PDE4A: variants seen among roughly 807,000 people sequenced by gnomAD.
PDE4A encodes 3',5'-cyclic-AMP phosphodiesterase 4A.
PDE4A carries 21 observed loss-of-function variants against 73.9 expected under a neutral mutation model. The ratio of observed to expected loss-of-function variants is 0.28; its 90% CI spans 0.20 to 0.41. The LOEUF (loss-of-function observed/expected upper bound fraction) is 0.41. Ranked by LOEUF, PDE4A falls within the 10% of genes least tolerant of loss-of-function variation. The probability of loss-of-function intolerance (pLI) is 1.00; values close to 1 mark genes in which losing one functional copy is unlikely to be tolerated. For missense variants in PDE4A, 958 were observed against 1,211.4 expected (o/e 0.79, Z 3.10); for synonymous variants, 463 against 505.4 (o/e 0.92, Z 1.13).
chr19:10,446,473 C>T (rs2043006401), intron 2 of PDE4A, 64 bp downstream of exon 2: 2 of 1,556,468 alleles, frequency 1.3e-6, no homozygotes, highest in Admixed American at 1.8e-5. Flanking sequence ...GCTGCCCTTC[C>T]CAGCAGGGAG....
chr19:10,466,823 C>G (rs2043381397), intron 14 of PDE4A, 64 bp from the exon 15 acceptor site: 4 of 1,556,638 alleles, frequency 2.6e-6, no homozygotes, highest in Non-Finnish European at 3.5e-6. Flanking sequence ...TCATTAGCTC[C>G]CATAATGTGG....
chr19:10,432,453 C>CCCCGGG (rs1378982826), intron 1 of PDE4A: 1 of 1,486,272 alleles, frequency 6.7e-7, no homozygotes, highest in South Asian at 1.3e-5. Flanking sequence ...CGGTGCAGCG[C>CCCCGGG]CCCGGGCCCG....
chr19:10,424,832 G>A lies in PDE4A; in HGVS notation c.320+3748G>A, dbSNP rs2042696891. Among the ~76,000 whole-genome samples the A allele has an allele frequency of 2.0e-5, 3 of 152,266 alleles. No homozygotes were observed. Among genetic ancestry groups the A allele is most frequent in the Admixed American group, 2.0e-4 (3 of 15,284 alleles). On this transcript the variant is annotated intron_variant, in intron 1 of 14. Transcript: ENST00000380702. The surrounding 1 kb of genome is among the most constrained non-coding windows in gnomAD (Gnocchi z 4.8). ...CTCTGCGCGCTTGCCCGGCAGGCCG[G>A]TGAACCCCAGCATCCTTGGCTCTGC...
At chr19:10,420,417 G>T, upstream of PDE4A, 2 of 964,476 alleles carry the variant, frequency 2.1e-6, no homozygotes, top group South Asian at 4.8e-5. The surrounding 1 kb of genome is among the most constrained non-coding windows in gnomAD (Gnocchi z 6.0). Flanking sequence ...TGGCCCGGAC[G>T]GAGGAGGAGG....
chr19:10,467,578 TC>T lies in PDE4A; in HGVS notation c.2621del (p.Pro874GlnfsTer99). ...AGTFGEDTSA[L>X]PAPGGGGSGG... is the part of the protein sequence containing the mutation. Reference sequence around the variant, plus strand: ...ACATTTGGGGAGGACACATCCGCACTCCCAGCTCCTGGTGGCGGGGGGTCAG... The same window carrying T: ...ACATTTGGGGAGGACACATCCGCACTCCAGCTCCTGGTGGCGGGGGGTCAG... On this transcript the variant is annotated frameshift_variant, in exon 15 of 15. Transcript: ENST00000380702. LOFTEE classifies it high-confidence loss of function. 6.3e-7 allele frequency: 1 copy of T among 1,595,070 alleles called. No individual in the cohort carries two copies. Among genetic ancestry groups the T allele is most frequent in the Non-Finnish European group, 8.6e-7 (1 of 1,168,512 alleles).
upstream of PDE4A, chr19:10,419,414 G>C (rs1402925119): frequency 6.6e-6 from 1 of 152,108 alleles, no homozygotes; most frequent in African/African-American, 2.4e-5. Flanking sequence ...CGGAAGGGGG[G>C]CTCTGCTGGC....
Position 10,438,116 on chromosome 19 carries a change from CT to C in PDE4A, c.321-8087del, listed in dbSNP as rs767841992. Among the ~76,000 whole-genome samples the C allele has an allele frequency of 3.8e-3, 492 of 130,618 alleles. 1 individual carries two copies. The highest frequency in any genetic ancestry group is 7.2e-3 in the African/African-American group (257 of 35,554). 85.7% of individuals were successfully genotyped at this position (130,618 alleles called of 152,430 possible). A position where few individuals can be genotyped will look rare whatever the true frequency, so the allele number is the denominator to read the frequency against. The stretch of plus-strand genomic sequence containing the variant: ...GAGCCACTTCACCCAGCCTCCAAGA[CT>C]TTTTTTTTTTTTTTGAGACGGAGTC... On this transcript the variant is annotated intron_variant, in intron 1 of 14. Transcript: ENST00000380702.
chr19:10,444,758 C>G (rs562031936), intron 1 of PDE4A, among the ~76,000 whole-genome samples: 1 of 151,628 alleles, frequency 6.6e-6, no homozygotes, highest in Non-Finnish European at 1.5e-5. Context: ...CTGCAACCTC[C>G]GTTTCCTGGG....
At chr19:10,463,394 T>A (rs1449701016) in intron 13 of PDE4A, among the ~76,000 whole-genome samples, 8 of 141,664 alleles carry the variant, frequency 5.6e-5, no homozygotes, top group Non-Finnish European at 1.2e-4. Context: ...CCAGCCCCAT[T>A]CTTTTTTTTT....
intron 6 of PDE4A, among the ~76,000 whole-genome samples, chr19:10,452,020 GGTGTGTGTGTGTGTGTGTGT>G (rs58194674): frequency 3.6e-5 from 5 of 140,204 alleles, no homozygotes; most frequent in African/African-American, 8.1e-5. Context: ...TTTCTGCAAT[GGTGTGTGTGTGTGTGTGTGT>G]GTGTGTGTGT....
upstream of PDE4A, chr19:10,419,053 A>T (rs1266257001): frequency 3.0e-6 from 2 of 677,964 alleles, no homozygotes; most frequent in Non-Finnish European, 3.5e-6. Flanking sequence ...GAAGACCGGC[A>T]GTCTTTTTTT....
intron 10 of PDE4A, among the ~76,000 whole-genome samples, chr19:10,460,531 G>A (rs1030752853): frequency 6.6e-6 from 1 of 151,804 alleles, no homozygotes; most frequent in African/African-American, 2.4e-5. Flanking sequence ...CGGGGGGCTA[G>A]GCACGGTGGC....
At chr19:10,456,302 C>A (rs1439982009) in intron 7 of PDE4A, among the ~76,000 whole-genome samples, 1 of 151,918 alleles carries the variant, frequency 6.6e-6, no homozygotes, top group Non-Finnish European at 1.5e-5. Flanking sequence ...CCGAGGTGGG[C>A]AGATCATGAG....
intron 2 of PDE4A, among the ~76,000 whole-genome samples, chr19:10,447,998 A>ATTC (rs2043035191): frequency 6.6e-6 from 1 of 152,078 alleles, no homozygotes; most frequent in Admixed American, 6.6e-5. Context: ...GCTCACACTC[A>ATTC]TAATCCTAGC....
chr19:10,444,492 C>G (rs1177989624), intron 1 of PDE4A, among the ~76,000 whole-genome samples: 1 of 149,952 alleles, frequency 6.7e-6, no homozygotes, highest in South Asian at 2.1e-4. Flanking sequence ...GAGTGAAACT[C>G]CATCTCAAAA....
chr19:10,463,483 C>T (rs1037135513), intron 13 of PDE4A, among the ~76,000 whole-genome samples: 3 of 148,524 alleles, frequency 2.0e-5, no homozygotes, highest in Non-Finnish European at 4.5e-5. Context: ...CTCACGGCAA[C>T]CTCCGCCTCC....
chr19:10,446,901 CT>C (rs896388279), intron 2 of PDE4A, among the ~76,000 whole-genome samples: 23 of 145,446 alleles, frequency 1.6e-4, no homozygotes, highest in African/African-American at 1.8e-4. Flanking sequence ...GCCTCAGTTC[CT>C]TTTTTTTTTG....
chr19:10,419,805 C>T (rs1024856645), upstream of PDE4A, among the ~76,000 whole-genome samples: 7 of 152,242 alleles, frequency 4.6e-5, no homozygotes, highest in Admixed American at 1.3e-4. Context: ...AGAACACATT[C>T]ACAGTCCCCA....
upstream of PDE4A, among the ~76,000 whole-genome samples, chr19:10,419,293 G>T (rs1303633725): frequency 1.3e-5 from 2 of 149,614 alleles, no homozygotes; most frequent in South Asian, 2.1e-4. Flanking sequence ...TCCTTGGGGG[G>T]GTTGAGGGGG....
Sources: gnomAD v4.1 joint callset for allele counts (sites outside exome capture counted in the v4.1 genomes callset) on GRCh38, gnomAD v4.1.1 for gene constraint, Gnocchi (gnomAD v3.1) non-coding constraint, MANE v1.5 for transcripts, NCBI Gene and HGNC (gene_info 2026-07-23, HGNC 2026-07-21) for gene names.